The following PHLDB2 variants were observed in gnomAD, a reference collection of about 807,000 sequenced individuals.
The protein encoded by PHLDB2 is pleckstrin homology like domain family B member 2.
Under a neutral mutation model 123.6 loss-of-function variants are expected in PHLDB2, and 71 were observed. The ratio of observed to expected loss-of-function variants is 0.57; its 90% CI spans 0.47 to 0.70. The LOEUF (loss-of-function observed/expected upper bound fraction) is 0.70. PHLDB2 is among the 30% of genes least tolerant of loss of function. The probability of loss-of-function intolerance (pLI) is 0.00; values close to 1 mark genes in which losing one functional copy is unlikely to be tolerated. For missense variants in PHLDB2, 1,446 were observed against 1,519.5 expected, an observed-to-expected ratio of 0.95 and a Z score of 0.80; for synonymous variants, 547 against 541.6, an observed-to-expected ratio of 1.01 and a Z score of -0.14.
chr3:111,754,425 G>T (rs2107980976), intron 1 of PHLDB2, among the ~76,000 whole-genome samples: 1 of 105,816 alleles, frequency 9.5e-6, no homozygotes, highest in Non-Finnish European at 1.9e-5. Context: ...GTGAATGGGA[G>T]TTCACTCATG....
In PHLDB2 at chr3:111,885,373, G is replaced by A. The variant is rs2066099139; in HGVS notation, c.1296G>A (p.Gln432=). ...RDDLMDYHRR[Q]REERLREQEM... is the part of the protein sequence containing the mutation. ...ACCTGATGGATTATCACCGGCGGCA[G>A]AGGGAGGAAAGACTCAGGGAGCAGG... The change falls in exon 2 of 18, where the codon CAG becomes CAA. Residue 432 remains glutamine, a synonymous_variant. Coordinates refer to ENST00000431670, the MANE Select transcript of PHLDB2 (RefSeq NM_001134438.2). 4 of 1,614,056 alleles carry A rather than the reference G, an allele frequency of 2.5e-6. No individual in the cohort carries two copies. Among genetic ancestry groups the A allele is most frequent in the Non-Finnish European group, 3.4e-6 (4 of 1,180,040 alleles).
intron 1 of PHLDB2, among the ~76,000 whole-genome samples, chr3:111,769,138 T>C (rs991914058): frequency 1.3e-5 from 2 of 152,212 alleles, no homozygotes; most frequent in African/African-American, 4.8e-5. Flanking sequence ...ACTCATCAGT[T>C]ATCCTGTGGG....
intron 6 of PHLDB2, among the ~76,000 whole-genome samples, chr3:111,934,902 A>AT (rs967071211): frequency 6.6e-6 from 1 of 152,182 alleles, no homozygotes; most frequent in African/African-American, 2.4e-5. Flanking sequence ...GGATAAAATG[A>AT]TTTTAGAGCC....
intron 2 of PHLDB2, among the ~76,000 whole-genome samples, chr3:111,906,723 T>C (rs1282961): frequency 0.38 from 58,159 of 152,134 alleles, 11,592 homozygotes; most frequent in East Asian, 0.71. Context: ...ATACAAAATA[T>C]CAATAGTAAT....
intron 3 of PHLDB2, 185 bp downstream of exon 3, chr3:111,913,887 G>T (rs949942524): frequency 5.0e-5 from 37 of 734,458 alleles, no homozygotes; most frequent in Non-Finnish European, 7.5e-5. Flanking sequence ...TAACAAATTT[G>T]CACTGTAAAA....
chr3:111,796,760 G>A (rs1409145177), intron 1 of PHLDB2, among the ~76,000 whole-genome samples: 1 of 152,052 alleles, frequency 6.6e-6, no homozygotes, highest in Admixed American at 6.6e-5. Flanking sequence ...CTCCTGACCC[G>A]CCTTGACCCC....
intron 8 of PHLDB2, among the ~76,000 whole-genome samples, chr3:111,942,866 T>C (rs1305172242): frequency 4.0e-5 from 6 of 150,644 alleles, no homozygotes; most frequent in Admixed American, 1.3e-4. Flanking sequence ...TAATATGTAA[T>C]ATTAAGTAAG....
At chr3:111,961,384 T>G (rs186204859) in intron 12 of PHLDB2, among the ~76,000 whole-genome samples, 2 of 152,272 alleles carry the variant, frequency 1.3e-5, no homozygotes, top group Non-Finnish European at 1.5e-5. Context: ...TTCGTCCTAC[T>G]GATGCCTACA....
At chr3:111,827,568 G>C (rs1211243771) in intron 1 of PHLDB2, among the ~76,000 whole-genome samples, 1 of 151,930 alleles carries the variant, frequency 6.6e-6, no homozygotes, top group African/African-American at 2.4e-5. Flanking sequence ...CCAGCTACTC[G>C]GGAGGCTGAG....
intron 2 of PHLDB2, among the ~76,000 whole-genome samples, chr3:111,848,716 TTA>T (rs1250541698): frequency 5.3e-5 from 8 of 152,208 alleles, no homozygotes; most frequent in African/African-American, 1.9e-4. Flanking sequence ...CCCTGCAAGA[TTA>T]TAATGGAGTG....
At chr3:111,750,610 C>T (rs1215289683) in intron 1 of PHLDB2, among the ~76,000 whole-genome samples, 1 of 152,094 alleles carries the variant, frequency 6.6e-6, no homozygotes, top group East Asian at 1.9e-4. Flanking sequence ...GTTTCCTAAA[C>T]TTACCTGTTA....
At chr3:111,852,698 T>C (rs2064310931) in intron 2 of PHLDB2, among the ~76,000 whole-genome samples, 1 of 151,868 alleles carries the variant, frequency 6.6e-6, no homozygotes, top group Non-Finnish European at 1.5e-5. Flanking sequence ...TTCAGGGTCC[T>C]CAAGTGATAA....
At chr3:111,850,628 G>C (rs2064208055) in intron 2 of PHLDB2, among the ~76,000 whole-genome samples, 1 of 152,062 alleles carries the variant, frequency 6.6e-6, no homozygotes, top group Non-Finnish European at 1.5e-5. Context: ...TCTGGGTGTG[G>C]TGGCATGCAC....
intron 1 of PHLDB2, among the ~76,000 whole-genome samples, chr3:111,748,084 A>G (rs2059709382): frequency 2.0e-5 from 3 of 152,202 alleles, no homozygotes; most frequent in South Asian, 2.1e-4. Context: ...AGGAGGTCAA[A>G]TAGTTTACAA....
intron 5 of PHLDB2, among the ~76,000 whole-genome samples, chr3:111,924,704 G>T (rs980211985): frequency 2.6e-5 from 4 of 152,234 alleles, no homozygotes; most frequent in Non-Finnish European, 5.9e-5. Context: ...TATCTCTGTT[G>T]GGCAAGCTCC....
chr3:111,895,168 A>G (rs1271617284), intron 2 of PHLDB2, among the ~76,000 whole-genome samples: 1 of 152,178 alleles, frequency 6.6e-6, no homozygotes, highest in Non-Finnish European at 1.5e-5. Flanking sequence ...ATGACTTCAC[A>G]TTGGGGAAAC....
intron 1 of PHLDB2, among the ~76,000 whole-genome samples, chr3:111,837,364 A>C (rs1440855253): frequency 2.0e-5 from 3 of 152,226 alleles, no homozygotes; most frequent in African/African-American, 7.2e-5. Context: ...AACATCAAAC[A>C]GTTGATCTAT....
At chr3:111,910,599 C>T (rs963807055) in intron 2 of PHLDB2, among the ~76,000 whole-genome samples, 1 of 152,200 alleles carries the variant, frequency 6.6e-6, no homozygotes, top group Non-Finnish European at 1.5e-5. Context: ...TAACAGTGCC[C>T]TCTTTGATTC....
intron 1 of PHLDB2, among the ~76,000 whole-genome samples, chr3:111,795,558 T>A (rs7616638): frequency 0.089 from 13,554 of 152,236 alleles, 1,276 homozygotes; most frequent in African/African-American, 0.24. Context: ...GTAAGTAGGC[T>A]TTTGATAAAT....
Sources: allele counts gnomAD v4.1 joint callset (sites outside exome capture counted in the v4.1 genomes callset), GRCh38; gene constraint gnomAD v4.1.1; transcripts MANE v1.5; gene names NCBI Gene and HGNC (gene_info 2026-07-23, HGNC 2026-07-21).